CEP128: variants seen among roughly 807,000 people sequenced by gnomAD.
CEP128 encodes centrosomal protein 128.
In CEP128, 132 loss-of-function variants were observed where a neutral mutation model predicts 156.7. The ratio of observed to expected loss-of-function variants is 0.84; its 90% CI spans 0.73 to 0.97. The LOEUF is 0.97. CEP128 is among the 50% of genes least tolerant of loss of function. CEP128 has a pLI of 0.00. For synonymous variants in CEP128, 469 were observed against 448.9 expected, an observed-to-expected ratio of 1.04 and a Z score of -0.57; for missense variants, 1,252 against 1,281.9, an observed-to-expected ratio of 0.98 and a Z score of 0.36.
chr14:80,912,590 T>A (rs1246392250), intron 4 of CEP128, among the ~76,000 whole-genome samples: 1 of 152,176 alleles, frequency 6.6e-6, no homozygotes, highest in East Asian at 1.9e-4. Context: ...TAACAAAGTC[T>A]ATAGAGCTCC....
intron 9 of CEP128, among the ~76,000 whole-genome samples, chr14:80,862,406 T>C (rs1887557289): frequency 1.3e-5 from 2 of 152,242 alleles, no homozygotes; most frequent in South Asian, 4.1e-4. Flanking sequence ...ATAATTATAC[T>C]TTCAGTTAAC....
chr14:80,892,689 C>T (rs955158722), intron 8 of CEP128, among the ~76,000 whole-genome samples: 3 of 140,894 alleles, frequency 2.1e-5, no homozygotes, highest in Admixed American at 7.1e-5. Context: ...AGAACTCATA[C>T]AACTCAATAG....
intron 13 of CEP128, among the ~76,000 whole-genome samples, chr14:80,800,223 T>C (rs1883761312): frequency 6.6e-6 from 1 of 152,184 alleles, no homozygotes; most frequent in Non-Finnish European, 1.5e-5. Context: ...ACTGAAATAC[T>C]GGGGACAGGT....
intron 6 of CEP128, among the ~76,000 whole-genome samples, chr14:80,902,000 C>T (rs1014265341): frequency 1.3e-5 from 2 of 152,118 alleles, no homozygotes; most frequent in Admixed American, 6.5e-5. Context: ...GCTATCTTCC[C>T]TCCTGCCAAG....
chr14:80,896,443 A>G (rs1889354592), intron 7 of CEP128, among the ~76,000 whole-genome samples: 1 of 152,188 alleles, frequency 6.6e-6, no homozygotes, highest in Non-Finnish European at 1.5e-5. Context: ...GGTTGCCTTC[A>G]TCATGTTCAA....
At chr14:80,853,475 T>G (rs895203477) in intron 9 of CEP128, among the ~76,000 whole-genome samples, 13 of 151,746 alleles carry the variant, frequency 8.6e-5, no homozygotes, top group Non-Finnish European at 1.8e-4. Flanking sequence ...TGAAGCCAGT[T>G]GTACCCCTGT....
chr14:80,761,291 G>A lies in CEP128; in HGVS notation c.2553+146C>T, dbSNP rs575302393. 4.5e-5 allele frequency: 24 copies of A among 534,448 alleles called. No homozygotes were observed. The East Asian group carries it at 4.6e-4, about 10-fold the overall frequency. 33.1% of individuals were successfully genotyped at this position (534,448 alleles called of 1,614,324 possible). On this transcript the variant is annotated intron_variant, in intron 17 of 24. Transcript: ENST00000555265. ...ACCACAACTGTGCAATAGATCCAGC[G>A]CCTTATTCTAAAAAATGCAAAATGT...
chr14:80,517,123 C>A (rs1050698493), intron 23 of CEP128, among the ~76,000 whole-genome samples: 21 of 151,500 alleles, frequency 1.4e-4, no homozygotes, highest in Admixed American at 7.2e-4. Context: ...CCATTTGTAT[C>A]TTCTCTTTTT....
intron 19 of CEP128, among the ~76,000 whole-genome samples, chr14:80,721,188 T>A (rs1281452375): frequency 6.6e-6 from 1 of 152,156 alleles, no homozygotes; most frequent in African/African-American, 2.4e-5. Context: ...TATAAAAGAT[T>A]TTTTCATAAA....
chr14:80,632,837 G>T (rs1894017804), intron 19 of CEP128, among the ~76,000 whole-genome samples: 1 of 152,142 alleles, frequency 6.6e-6, no homozygotes, highest in South Asian at 2.1e-4. Context: ...TTAAAATGAT[G>T]TGAGTTATTT....
intron 2 of CEP128, among the ~76,000 whole-genome samples, chr14:80,925,940 T>C (rs1885121531): frequency 6.6e-6 from 1 of 152,088 alleles, no homozygotes; most frequent in African/African-American, 2.4e-5. Flanking sequence ...AGTGAGGTTT[T>C]ATGAAAAGGA....
chr14:80,483,874 T>C (rs1027980281), intron 14 of CEP128, among the ~76,000 whole-genome samples: 4 of 152,248 alleles, frequency 2.6e-5, no homozygotes, highest in African/African-American at 9.6e-5. Context: ...CGATTTTCTA[T>C]GTAGCTTTTA....
intron 20 of CEP128, among the ~76,000 whole-genome samples, chr14:80,561,639 G>A (rs2140375568): frequency 6.6e-6 from 1 of 152,168 alleles, no homozygotes; most frequent in East Asian, 1.9e-4. Flanking sequence ...TATTAGTTAA[G>A]ATTAACGTAT....
At chr14:80,815,970 T>C (rs1055110908) in intron 13 of CEP128, among the ~76,000 whole-genome samples, 11 of 151,918 alleles carry the variant, frequency 7.2e-5, no homozygotes, top group African/African-American at 2.7e-4. Context: ...GAGGGAAGTT[T>C]GAGATGAGAA....
At chr14:80,669,881 C>T (rs1895769286) in intron 19 of CEP128, among the ~76,000 whole-genome samples, 1 of 152,250 alleles carries the variant, frequency 6.6e-6, no homozygotes, top group Admixed American at 6.5e-5. Flanking sequence ...AGAGGTTTAA[C>T]TGGCTCACAG....
At chr14:80,554,660 T>C (rs8011469) in intron 21 of CEP128, among the ~76,000 whole-genome samples, 86,248 of 151,812 alleles carry the variant, frequency 0.57, 24,852 homozygotes, top group East Asian at 0.72. Flanking sequence ...GAACACTTTG[T>C]TATGTGGTTA....
intron 19 of CEP128, among the ~76,000 whole-genome samples, chr14:80,736,110 C>T (rs1197229617): frequency 6.6e-6 from 1 of 151,990 alleles, no homozygotes; most frequent in African/African-American, 2.4e-5. Context: ...TTGTATGCAA[C>T]ATTATAGAAA....
chr14:80,712,713 T>A (rs1014282031), intron 19 of CEP128, among the ~76,000 whole-genome samples: 3 of 152,138 alleles, frequency 2.0e-5, no homozygotes, highest in Non-Finnish European at 4.4e-5. Context: ...GGCAGCCTCA[T>A]CAAAGGCAGC....
intron 19 of CEP128, among the ~76,000 whole-genome samples, chr14:80,686,378 G>T (rs1157230609): frequency 6.6e-6 from 1 of 152,008 alleles, no homozygotes; most frequent in Non-Finnish European, 1.5e-5. Flanking sequence ...AGCAAATGCT[G>T]GGGGAATTTG....
Sources: gnomAD v4.1 joint callset for allele counts (sites outside exome capture counted in the v4.1 genomes callset) on GRCh38, gnomAD v4.1.1 for gene constraint, MANE v1.5 for transcripts, NCBI Gene and HGNC (gene_info 2026-07-23, HGNC 2026-07-21) for gene names.